The following WWOX variants were observed in gnomAD, a reference collection of about 807,000 sequenced individuals.
The protein encoded by WWOX is WW domain-containing oxidoreductase.
Under a neutral mutation model 46.2 loss-of-function variants are expected in WWOX, and 69 were observed. The ratio of observed to expected loss-of-function variants is 1.49; its 90% CI spans 1.23 to 1.82. The LOEUF (loss-of-function observed/expected upper bound fraction) is 1.82, where lower values mean the gene tolerates loss of function less well. Ranked by LOEUF, WWOX falls within the 40% of genes most tolerant of loss-of-function variation. WWOX has a pLI of 0.00. For missense variants in WWOX, 919 were observed against 542.6 expected (o/e 1.69, Z -6.89); for synonymous variants, 359 against 202.6 (o/e 1.77, Z -6.56).
intron 8 of WWOX, among the ~76,000 whole-genome samples, chr16:78,915,309 T>C (rs942973629): frequency 2.0e-4 from 30 of 152,172 alleles, no homozygotes; most frequent in Non-Finnish European, 1.2e-4. Context: ...TCTTGGCTGG[T>C]CCAATTCCAT....
chr16:78,243,613 C>G (rs1308008854), intron 5 of WWOX, among the ~76,000 whole-genome samples: 1 of 152,140 alleles, frequency 6.6e-6, no homozygotes, highest in South Asian at 2.1e-4. Flanking sequence ...GTGGCACCAT[C>G]TTGGCTCACT....
At chr16:78,176,384 C>G (rs1399764062) in intron 5 of WWOX, among the ~76,000 whole-genome samples, 3 of 152,176 alleles carry the variant, frequency 2.0e-5, no homozygotes, top group Non-Finnish European at 4.4e-5. Flanking sequence ...ACTCAGGAGC[C>G]AAGACCTGCC....
intron 6 of WWOX, among the ~76,000 whole-genome samples, chr16:78,397,632 G>A (rs920756113): frequency 1.3e-5 from 2 of 152,172 alleles, no homozygotes; most frequent in Non-Finnish European, 2.9e-5. Context: ...TGTTTCTAAA[G>A]GAGATTTGTC....
intron 8 of WWOX, among the ~76,000 whole-genome samples, chr16:78,923,643 A>G (rs1010427102): frequency 1.3e-5 from 2 of 152,068 alleles, no homozygotes; most frequent in African/African-American, 4.8e-5. Context: ...TGAATCAAAT[A>G]ATATATGGCT....
At chr16:78,487,447 G>T (rs998759683) in intron 8 of WWOX, among the ~76,000 whole-genome samples, 7 of 152,128 alleles carry the variant, frequency 4.6e-5, no homozygotes, top group Non-Finnish European at 8.8e-5. Flanking sequence ...TCTTACTAAT[G>T]TTCCGTCTTT....
intron 8 of WWOX, among the ~76,000 whole-genome samples, chr16:78,754,599 G>T (rs1434266343): frequency 1.2e-4 from 19 of 152,176 alleles, no homozygotes. Flanking sequence ...ACCAGTTGCA[G>T]TCTTTGGATG....
In WWOX at chr16:79,211,655, G is replaced by C. The variant is rs758720999; in HGVS notation, c.1104G>C (p.Leu368=). ...TGTACTGTGCTGCTGTCCCAGAACT[G>C]GAGGGTCTGGGAGGGATGTACTTCA... ...TTVYCAAVPE[L]EGLGGMYFNN... is the part of the protein sequence containing the mutation. Residue 368 remains leucine (L), a synonymous_variant, in exon 9 of 9, where the codon CTG becomes CTC. Coordinates refer to ENST00000566780, the MANE Select transcript of WWOX (RefSeq NM_016373.4). 1.9e-6 allele frequency: 3 copies of C among 1,614,210 alleles called. No homozygotes were observed. Among genetic ancestry groups the C allele is most frequent in the East Asian group, 2.2e-5 (1 of 44,866 alleles).
chr16:78,892,122 C>T (rs1303897016), intron 8 of WWOX: 1 of 152,082 alleles, frequency 6.6e-6, no homozygotes. Flanking sequence ...CTTGCCAAAC[C>T]ATGTTTTCTG....
intron 8 of WWOX, among the ~76,000 whole-genome samples, chr16:78,652,834 A>C (rs966703872): frequency 6.6e-6 from 1 of 152,220 alleles, no homozygotes; most frequent in East Asian, 1.9e-4. Flanking sequence ...TCATATAAGT[A>C]AATTATATGA....
chr16:78,654,661 G>T (rs895895716), intron 8 of WWOX, among the ~76,000 whole-genome samples: 11 of 151,966 alleles, frequency 7.2e-5, no homozygotes, highest in African/African-American at 2.7e-4. Context: ...CTCTCTCTGT[G>T]TGTATGTGTG....
At chr16:79,127,826 G>A (rs149403114) in intron 8 of WWOX, among the ~76,000 whole-genome samples, 32 of 152,346 alleles carry the variant, frequency 2.1e-4, no homozygotes, top group African/African-American at 7.5e-4. Flanking sequence ...GAAGGTGCAA[G>A]TGAATGCTCT....
At position 79,212,144 on chromosome 16, in the gene WWOX, G is replaced by T. The variant is rs776588952; in HGVS notation, c.*348G>T. On this transcript the variant is annotated 3_prime_UTR_variant, in exon 9 of 9. Coordinates refer to ENST00000566780, the MANE Select transcript of WWOX (RefSeq NM_016373.4). ...TTATAGAATAGCCTGAGGTCCCCTCGTCCCATCCAGCTACCACCACGGCCA... is the reference window on the plus strand; with the variant it reads ...TTATAGAATAGCCTGAGGTCCCCTCTTCCCATCCAGCTACCACCACGGCCA... 4.0e-6 allele frequency: 6 copies of T among 1,516,766 alleles called. No homozygotes were observed. The South Asian group carries it at 6.2e-5, about 16-fold the overall frequency. The allele number at this position is 1,516,766 out of a possible 1,614,324, so 94.0% of individuals were successfully genotyped here. A position where few individuals can be genotyped will look rare whatever the true frequency, so the allele number is the denominator to read the frequency against.
chr16:78,539,890 G>A (rs1384201100), intron 8 of WWOX, among the ~76,000 whole-genome samples: 3 of 152,124 alleles, frequency 2.0e-5, no homozygotes, highest in Middle Eastern at 3.4e-3. Context: ...TTCATAGATA[G>A]GATCAGATCC....
chr16:78,654,115 A>T (rs2047027383), intron 8 of WWOX, among the ~76,000 whole-genome samples: 1 of 152,230 alleles, frequency 6.6e-6, no homozygotes, highest in South Asian at 2.1e-4. Context: ...GAAACTCTCA[A>T]AGGCCAGGGT....
At chr16:78,259,531 T>C (rs1440171518) in intron 5 of WWOX, among the ~76,000 whole-genome samples, 1 of 151,624 alleles carries the variant, frequency 6.6e-6, no homozygotes, top group Non-Finnish European at 1.5e-5. Flanking sequence ...TTGGCCAGGC[T>C]GGTTTTGAAC....
intron 8 of WWOX, among the ~76,000 whole-genome samples, chr16:78,596,497 G>C (rs1358617747): frequency 6.6e-6 from 1 of 151,314 alleles, no homozygotes; most frequent in East Asian, 1.9e-4. Flanking sequence ...GTGCTAAGGT[G>C]ACTTCCAAGA....
intron 8 of WWOX, among the ~76,000 whole-genome samples, chr16:78,968,923 A>G (rs1239233667): frequency 6.6e-6 from 1 of 152,194 alleles, no homozygotes; most frequent in Non-Finnish European, 1.5e-5. Flanking sequence ...CTTAAAGAAA[A>G]AAAAAAAAGA....
intron 8 of WWOX, among the ~76,000 whole-genome samples, chr16:79,012,654 A>C (rs1402047727): frequency 1.3e-5 from 2 of 152,242 alleles, no homozygotes; most frequent in Non-Finnish European, 2.9e-5. Flanking sequence ...TAACCAATGA[A>C]TGAGGGAACA....
rs893181275 is a variant in WWOX at position 78,858,851 on chromosome 16, T to C, written c.1057-352757T>C. On this transcript the variant is annotated intron_variant, in intron 8 of 8. Transcript: ENST00000566780. ...GTGTCACCACATCTGGCTAATTTTTTGAACTTTTTTGTAGTTGGGGTCTCA... is the reference window on the plus strand; with the variant it reads ...GTGTCACCACATCTGGCTAATTTTTCGAACTTTTTTGTAGTTGGGGTCTCA... Among the ~76,000 whole-genome samples the C allele has an allele frequency of 1.3e-5, 2 of 151,230 alleles. 1 individual carries two copies. The highest frequency in any genetic ancestry group is 4.2e-4 in the South Asian group (2 of 4,772).
Sources: allele counts gnomAD v4.1 joint callset (sites outside exome capture counted in the v4.1 genomes callset), GRCh38; gene constraint gnomAD v4.1.1; transcripts MANE v1.5; gene names NCBI Gene and HGNC (gene_info 2026-07-23, HGNC 2026-07-21).